TAF3: variants seen among roughly 807,000 people sequenced by gnomAD.
The protein encoded by TAF3 is transcription initiation factor TFIID subunit 3.
A neutral mutation model predicts 80.6 loss-of-function variants in TAF3; 7 were observed. That is an observed-to-expected ratio of 0.09 (90% CI 0.05 to 0.16). TAF3 has a LOEUF of 0.16. TAF3 is among the 10% of genes least tolerant of loss of function. TAF3 has a pLI of 1.00. For missense variants in TAF3, 921 were observed against 1,140.2 expected (o/e 0.81, Z 2.77); for synonymous variants, 444 against 446.1 (o/e 1.00, Z 0.06).
intron 2 of TAF3, among the ~76,000 whole-genome samples, chr10:7,871,435 C>CTTTGTTTTTTTTTTTTTTTTTTTTT (rs1837263933): frequency 1.4e-5 from 1 of 69,116 alleles, no homozygotes; most frequent in African/African-American, 4.9e-5. Flanking sequence ...ATAACTGCTG[C>CTTTGTTTTTTTTTTTTTTTTTTTTT]TTTTTTTTTT....
At chr10:7,985,624 A>T (rs1387395267) in intron 4 of TAF3, among the ~76,000 whole-genome samples, 1 of 152,150 alleles carries the variant, frequency 6.6e-6, no homozygotes, top group Non-Finnish European at 1.5e-5. Context: ...AGACCATTAG[A>T]TGCTTCCCAA....
chr10:7,820,730 A>G (rs1199933251), intron 1 of TAF3, among the ~76,000 whole-genome samples: 5 of 152,184 alleles, frequency 3.3e-5, no homozygotes, highest in Non-Finnish European at 7.3e-5. Context: ...CCTGGGCTCA[A>G]GTGATCCTCC....
chr10:7,898,545 C>CAAA (rs35137273), intron 2 of TAF3, among the ~76,000 whole-genome samples: 78 of 96,176 alleles, frequency 8.1e-4, no homozygotes, highest in African/African-American at 3.1e-3. Flanking sequence ...GACTCTGTCT[C>CAAA]AAAAAAAAAA....
chr10:7,832,819 G>C (rs1293012825), intron 2 of TAF3, among the ~76,000 whole-genome samples: 1 of 152,070 alleles, frequency 6.6e-6, no homozygotes, highest in African/African-American at 2.4e-5. Context: ...CAAAGTGCTG[G>C]GATTACAGGC....
chr10:7,967,075 A>G (rs891196612), intron 3 of TAF3, among the ~76,000 whole-genome samples: 3 of 152,170 alleles, frequency 2.0e-5, no homozygotes, highest in African/African-American at 7.2e-5. Flanking sequence ...AGGTATTATC[A>G]TCGATATTTA....
At chr10:7,822,221 G>GA (rs1456631263) in intron 1 of TAF3, among the ~76,000 whole-genome samples, 2 of 146,370 alleles carry the variant, frequency 1.4e-5, no homozygotes, top group African/African-American at 5.0e-5. Flanking sequence ...AGAGAGAAAG[G>GA]AAAAAAATCT....
At chr10:7,861,700 C>A (rs926145236) in intron 2 of TAF3, among the ~76,000 whole-genome samples, 1 of 152,070 alleles carries the variant, frequency 6.6e-6, no homozygotes, top group Non-Finnish European at 1.5e-5. Context: ...ATCTCATGTG[C>A]TGTTTTTCTG....
chr10:7,887,081 A>T (rs1837415016), intron 2 of TAF3, among the ~76,000 whole-genome samples: 1 of 152,052 alleles, frequency 6.6e-6, no homozygotes, highest in South Asian at 2.1e-4. Context: ...TAAAAATAAA[A>T]AAAATTAGCC....
At chr10:7,924,779 G>A (rs886304302) in intron 2 of TAF3, among the ~76,000 whole-genome samples, 1 of 151,578 alleles carries the variant, frequency 6.6e-6, no homozygotes, top group Admixed American at 6.6e-5. Context: ...GTGAGAGAGG[G>A]ACATGAATTT....
intron 2 of TAF3, among the ~76,000 whole-genome samples, chr10:7,879,070 A>G (rs1248532608): frequency 6.6e-6 from 1 of 152,194 alleles, no homozygotes; most frequent in Non-Finnish European, 1.5e-5. Flanking sequence ...GGCTCTTTCC[A>G]ATACAGATAT....
At chr10:7,825,071 A>G (rs1028730954) in intron 2 of TAF3, among the ~76,000 whole-genome samples, 7 of 152,342 alleles carry the variant, frequency 4.6e-5, no homozygotes, top group Middle Eastern at 3.4e-3. Flanking sequence ...TGATTATAAA[A>G]TGATAGCTAA....
At chr10:7,827,877 A>G (rs942675005) in intron 2 of TAF3, among the ~76,000 whole-genome samples, 1 of 151,930 alleles carries the variant, frequency 6.6e-6, no homozygotes, top group Non-Finnish European at 1.5e-5. Flanking sequence ...GGATCAGTTG[A>G]GCCCAGGGGT....
intron 2 of TAF3, among the ~76,000 whole-genome samples, chr10:7,937,916 G>T (rs1382628816): frequency 1.3e-5 from 2 of 152,192 alleles, no homozygotes; most frequent in African/African-American, 2.4e-5. Context: ...GGAAGGAACA[G>T]AACCCGCTTT....
At position 7,955,705 on chromosome 10, in the gene TAF3, A is replaced by G. The variant is rs138051295; in HGVS notation, c.410-8215A>G. On this transcript the variant is annotated intron_variant, in intron 2 of 6. Transcript: ENST00000344293. ...TCTAAGTCAATATTTATAGTAGCTT[A>G]GAATTAACCTCCCAAAAATCCTTTT... Among the ~76,000 whole-genome samples, 565 of 152,384 alleles carry G rather than the reference A, an allele frequency of 3.7e-3. 4 individuals are homozygous for G. Among genetic ancestry groups the G allele is most frequent in the South Asian group, 0.02 (96 of 4,830 alleles).
Position 7,863,722 on chromosome 10 carries a change from C to CAT in TAF3, c.409+39172_409+39173dup, listed in dbSNP as rs1554778413. Among the ~76,000 whole-genome samples the CAT allele has an allele frequency of 2.3e-4, 18 of 79,152 alleles. 3 individuals carry two copies. The highest frequency in any genetic ancestry group is 1.4e-3 in the South Asian group (3 of 2,070). The allele number at this position is 79,152 out of a possible 152,430, so 51.9% of individuals were successfully genotyped here. A position where few individuals can be genotyped will look rare whatever the true frequency, so the allele number is the denominator to read the frequency against. ...ATATATATACACATATATATATACA[C>CAT]ATATATATATACACATATATATATA... is the stretch of plus-strand genomic sequence containing the variant. On this transcript the variant is annotated intron_variant, in intron 2 of 6. Coordinates refer to ENST00000344293, the MANE Select transcript of TAF3 (RefSeq NM_031923.4).
intron 2 of TAF3, among the ~76,000 whole-genome samples, chr10:7,939,193 C>T (rs2131204402): frequency 6.6e-6 from 1 of 152,292 alleles, no homozygotes; most frequent in South Asian, 2.1e-4. Flanking sequence ...GTAAACTCAA[C>T]ATTTTAGTTT....
intron 2 of TAF3, among the ~76,000 whole-genome samples, chr10:7,947,313 T>C (rs1838034558): frequency 6.6e-6 from 1 of 152,242 alleles, no homozygotes; most frequent in Admixed American, 6.5e-5. Flanking sequence ...TTAAGAGCTT[T>C]CCATCAGCAG....
At chr10:7,973,180 A>C (rs1831637284) in intron 3 of TAF3, among the ~76,000 whole-genome samples, 1 of 152,242 alleles carries the variant, frequency 6.6e-6, no homozygotes, top group Non-Finnish European at 1.5e-5. Flanking sequence ...AATAGGACAC[A>C]GTTCACCAAG....
chr10:7,848,093 C>T (rs909479650), intron 2 of TAF3, among the ~76,000 whole-genome samples: 5 of 152,180 alleles, frequency 3.3e-5, no homozygotes, highest in African/African-American at 1.2e-4. Context: ...AAATTGTTTT[C>T]ACTATCTTTT....
Sources: allele counts gnomAD v4.1 joint callset (sites outside exome capture counted in the v4.1 genomes callset), GRCh38; gene constraint gnomAD v4.1.1; transcripts MANE v1.5; gene names NCBI Gene and HGNC (gene_info 2026-07-23, HGNC 2026-07-21).